The following HLTF variants were observed in gnomAD, a reference collection of about 807,000 sequenced individuals.
HLTF encodes the protein DNA-dependent ATPase/E3 ubiquitin-protein ligase HLTF.
A neutral mutation model predicts 129.4 loss-of-function variants in HLTF; 127 were observed. The ratio of observed to expected loss-of-function variants is 0.98; its 90% CI spans 0.85 to 1.14. The LOEUF (loss-of-function observed/expected upper bound fraction) is 1.14. Among genes scored for constraint, HLTF ranks in the 50% most tolerant of loss-of-function variants. HLTF has a pLI of 0.00. For missense variants in HLTF, 1,139 were observed against 1,187.1 expected, an observed-to-expected ratio of 0.96 and a Z score of 0.60; for synonymous variants, 332 against 388.8, an observed-to-expected ratio of 0.85 and a Z score of 1.72.
chr3:149,048,801 T>C, intron 16 of HLTF, 62 bp downstream of exon 16: 1 of 1,289,348 alleles, frequency 7.8e-7, no homozygotes, highest in East Asian at 2.3e-5. Flanking sequence ...GTTACTTTAC[T>C]AACTTACATA....
At chr3:149,041,930 T>C in intron 19 of HLTF, 3 of 580,210 alleles carry the variant, frequency 5.2e-6, no homozygotes, top group South Asian at 2.3e-5. Flanking sequence ...GCAGATCCAA[T>C]ATGAATCTTT....
chr3:149,061,488 A>G (rs1281795825), intron 10 of HLTF, among the ~76,000 whole-genome samples: 2 of 152,138 alleles, frequency 1.3e-5, no homozygotes, highest in African/African-American at 2.4e-5. Flanking sequence ...AAATTTCAAT[A>G]CCAGGTTTAA....
At chr3:149,051,672 C>A (rs1717010938) in intron 14 of HLTF, among the ~76,000 whole-genome samples, 1 of 151,950 alleles carries the variant, frequency 6.6e-6, no homozygotes, top group African/African-American at 2.4e-5. Flanking sequence ...ACCAGCCTAG[C>A]CAACATGGCG....
At chr3:149,063,564 G>A in intron 9 of HLTF, 40 bp from the exon 10 acceptor site, 2 of 1,242,194 alleles carry the variant, frequency 1.6e-6, no homozygotes, top group Non-Finnish European at 2.4e-6. Context: ...TATTAGTAAG[G>A]TGTCTTAGAA....
chr3:149,081,695 A>C (rs1719890735), intron 2 of HLTF, among the ~76,000 whole-genome samples: 1 of 152,238 alleles, frequency 6.6e-6, no homozygotes. Context: ...GCAGACATTA[A>C]AAAAATGGCA....
chr3:149,038,184 T>TA, intron 23 of HLTF, among the ~76,000 whole-genome samples: 1 of 152,186 alleles, frequency 6.6e-6, no homozygotes, highest in East Asian at 1.9e-4. Flanking sequence ...ACCTAATTCT[T>TA]ATGCACATTA....
chr3:149,071,245 T>C lies in HLTF; in HGVS notation c.894+7A>G. The C allele has an allele frequency of 6.6e-7, 1 of 1,506,472 alleles. No individual in the cohort carries two copies. Among genetic ancestry groups the C allele is most frequent in the Non-Finnish European group, 8.9e-7 (1 of 1,119,112 alleles). The allele number at this position is 1,506,472 out of a possible 1,614,324, so 93.3% of individuals were successfully genotyped here. A position where few individuals can be genotyped will look rare whatever the true frequency, so the allele number is the denominator to read the frequency against. On this transcript the variant is annotated splice_region_variant and intron_variant, in intron 7 of 24. Transcript: ENST00000310053. ...AGATTTTATTAACTAAAGAAAAAAA[T>C]AATTACCAAACCCATATCATCAGCT... is the stretch of plus-strand genomic sequence containing the variant.
chr3:149,077,270 A>ATAAC (rs1719452280), intron 2 of HLTF, among the ~76,000 whole-genome samples: 1 of 150,330 alleles, frequency 6.7e-6, no homozygotes, highest in Non-Finnish European at 1.5e-5. Flanking sequence ...AAATAAATAA[A>ATAAC]TAAATAAATA....
At chr3:149,058,600 T>TGGCA (rs1310525911) in intron 13 of HLTF, among the ~76,000 whole-genome samples, 9 of 152,348 alleles carry the variant, frequency 5.9e-5, no homozygotes, top group African/African-American at 2.2e-4. Flanking sequence ...ACTTTGTTTA[T>TGGCA]GGCACCTTTT....
At chr3:149,067,791 G>A (rs1025320695) in intron 8 of HLTF, among the ~76,000 whole-genome samples, 4 of 152,004 alleles carry the variant, frequency 2.6e-5, no homozygotes, top group African/African-American at 9.7e-5. Context: ...TTATTGACTG[G>A]CAAAATTGTT....
intron 2 of HLTF, chr3:149,083,678 G>A (rs1720079971): frequency 6.6e-6 from 1 of 151,662 alleles, no homozygotes; most frequent in African/African-American, 2.4e-5. Context: ...GAGAGGCCAA[G>A]GCGGACGGAT....
At chr3:149,074,811 C>A (rs978959149) in intron 3 of HLTF, among the ~76,000 whole-genome samples, 2 of 152,132 alleles carry the variant, frequency 1.3e-5, no homozygotes, top group Admixed American at 1.3e-4. Flanking sequence ...CATTTATTTT[C>A]TCTTCAAACT....
intron 3 of HLTF, 87 bp downstream of exon 3, chr3:149,075,794 C>T (rs1719295464): frequency 2.5e-6 from 2 of 796,314 alleles, no homozygotes; most frequent in Non-Finnish European, 3.9e-6. Context: ...GTTAGCATAC[C>T]TTTATAGGCT....
At position 149,046,145 on chromosome 3, in the gene HLTF, T is replaced by C. The variant is rs1222347674; in HGVS notation, c.2007A>G (p.Thr669=). The C allele has an allele frequency of 6.2e-7, 1 of 1,610,788 alleles. No homozygotes were observed. The highest frequency in any genetic ancestry group is 8.5e-7 in the Non-Finnish European group (1 of 1,178,148). Reference sequence around the variant, plus strand: ...AAATCTTTCTCTCTTCATCTGAAAGTGTAATGTGCTGAATAAATACTTTAC... The same window carrying C: ...AAATCTTTCTCTCTTCATCTGAAAGCGTAATGTGCTGAATAAATACTTTAC... The part of the protein sequence containing the change: ...PERKVFIQHI[T]LSDEERKIYQ... The change falls in exon 18 of 25, where the codon ACA becomes ACG. Residue 669 remains threonine (T), a synonymous_variant. Transcript: ENST00000310053.
rs751965976 is a variant in HLTF at position 149,034,922 on chromosome 3, GTGA to G, written c.2870_2872del (p.Ile957del). 6 of 1,609,274 alleles carry G rather than the reference GTGA, an allele frequency of 3.7e-6. No homozygotes were observed. Among genetic ancestry groups the G allele is most frequent in the East Asian group, 4.5e-5 (2 of 44,830 alleles). ...ATAGTTTGTTTAAAAACTCACTTTT[GTGA>G]TGATAACTTCTTGCTTCTGACCAAG... On this transcript the variant is annotated inframe_deletion, in exon 24 of 25. Transcript: ENST00000310053.
chr3:149,048,408 A>AATTCAACTTTCTCCTTATC (rs1716727835), intron 16 of HLTF, among the ~76,000 whole-genome samples: 1 of 152,256 alleles, frequency 6.6e-6, no homozygotes, highest in South Asian at 2.1e-4. Flanking sequence ...AAGACTGGAA[A>AATTCAACTTTCTCCTTATC]ATTCAACTTT....
chr3:149,081,582 C>G, intron 2 of HLTF, among the ~76,000 whole-genome samples: 1 of 152,098 alleles, frequency 6.6e-6, no homozygotes, highest in African/African-American at 2.4e-5. Context: ...AAAAAAGACA[C>G]GAATGTGTAA....
chr3:149,053,203 C>A (rs1334685832), intron 14 of HLTF, among the ~76,000 whole-genome samples: 3 of 152,196 alleles, frequency 2.0e-5, no homozygotes, highest in East Asian at 1.9e-4. Flanking sequence ...TCATTGAAAT[C>A]GTTTGGATGT....
intron 2 of HLTF, among the ~76,000 whole-genome samples, chr3:149,080,012 A>C (rs1163309330): frequency 2.6e-5 from 4 of 152,196 alleles, no homozygotes; most frequent in Non-Finnish European, 5.9e-5. Context: ...ATATAGTAAA[A>C]GAAACAAGGG....
Sources: allele counts gnomAD v4.1 joint callset (sites outside exome capture counted in the v4.1 genomes callset), GRCh38; gene constraint gnomAD v4.1.1; transcripts MANE v1.5; gene names NCBI Gene and HGNC (gene_info 2026-07-23, HGNC 2026-07-21).